Variants in DNAJB14 observed in about 807,000 individuals in gnomAD.
DNAJB14 encodes the protein DnaJ heat shock protein family (Hsp40) member B14.
DNAJB14 carries 22 observed loss-of-function variants against 48.4 expected under a neutral mutation model. The observed-to-expected ratio is 0.45, with a 90% CI of 0.32 to 0.65. DNAJB14 has a LOEUF of 0.65. Ranked by LOEUF, DNAJB14 falls within the 30% of genes least tolerant of loss-of-function variation. The probability of loss-of-function intolerance (pLI) is 0.03; values close to 1 mark genes in which losing one functional copy is unlikely to be tolerated. For synonymous variants in DNAJB14, 142 were observed against 158.7 expected (o/e 0.89, Z 0.79); for missense variants, 319 against 458.8 (o/e 0.70, Z 2.78).
chr4:99,924,776 G>A (rs745420132), intron 2 of DNAJB14: 23 of 1,610,318 alleles, frequency 1.4e-5, no homozygotes, highest in Non-Finnish European at 2.0e-5. Flanking sequence ...TTAGGTACAG[G>A]TCCACCATCC....
At chr4:99,941,177 A>G (rs543112013) in intron 1 of DNAJB14, among the ~76,000 whole-genome samples, 2 of 152,316 alleles carry the variant, frequency 1.3e-5, no homozygotes, top group South Asian at 2.1e-4. Context: ...AGTAAAAAAG[A>G]TAATTAAGAT....
intron 3 of DNAJB14, among the ~76,000 whole-genome samples, chr4:99,910,560 CT>C (rs984970788): frequency 2.0e-5 from 3 of 151,754 alleles, no homozygotes; most frequent in Non-Finnish European, 2.9e-5. Flanking sequence ...TTAAGGCTTC[CT>C]TTTTTAGAAA....
At chr4:99,913,647 T>G (rs968734732) in intron 3 of DNAJB14, among the ~76,000 whole-genome samples, 2 of 149,190 alleles carry the variant, frequency 1.3e-5, no homozygotes, top group Non-Finnish European at 3.0e-5. Context: ...TTTTCTGTAA[T>G]GTCTTTGGTT....
rs762639056 is a variant in DNAJB14 at position 99,946,533 on chromosome 4, C to T, written c.39G>A (p.Glu13=). 4 of 1,613,896 alleles carry T rather than the reference C, an allele frequency of 2.5e-6. No homozygotes were observed. Among genetic ancestry groups the T allele is most frequent in the African/African-American group, 1.3e-5 (1 of 75,058 alleles). The change falls in exon 1 of 8, where the codon GAG becomes GAA. Residue 13 remains glutamate (E), a synonymous_variant. Transcript: ENST00000442697. ...CGGCGTTCAGGGCCTCCCGGGCGATCTCGACACATTTCTCAGCCTCATCCC... is the reference window on the plus strand; with the variant it reads ...CGGCGTTCAGGGCCTCCCGGGCGATTTCGACACATTTCTCAGCCTCATCCC... The part of the protein sequence containing the change: ...GNRDEAEKCV[E]IAREALNAGN...
At chr4:99,945,969 G>C (rs1219947204) in intron 1 of DNAJB14, among the ~76,000 whole-genome samples, 1 of 152,200 alleles carries the variant, frequency 6.6e-6, no homozygotes. Flanking sequence ...TTTGCTTTGG[G>C]AACAGTTTTC....
intron 3 of DNAJB14, among the ~76,000 whole-genome samples, chr4:99,909,664 A>G (rs1308505466): frequency 6.6e-6 from 1 of 152,090 alleles, no homozygotes; most frequent in Non-Finnish European, 1.5e-5. Context: ...TCCCAAATCC[A>G]AAAGAGGTAA....
intron 2 of DNAJB14, chr4:99,924,592 T>C (rs1726180608): frequency 4.3e-6 from 3 of 693,598 alleles, no homozygotes; most frequent in African/African-American, 3.7e-5. Context: ...TAGTCAATAA[T>C]ATTTATTGAA....
rs560685155 is a variant in DNAJB14 at position 99,905,767 on chromosome 4, C to G, written c.733-61G>C. 70 of 1,523,444 alleles carry G rather than the reference C, an allele frequency of 4.6e-5. No individual in the cohort carries two copies. The East Asian group carries it at 1.6e-3, about 34-fold the overall frequency. The allele number at this position is 1,523,444 out of a possible 1,614,324, so 94.4% of individuals were successfully genotyped here. A position where few individuals can be genotyped will look rare whatever the true frequency, so the allele number is the denominator to read the frequency against. ...ATAACTGTAGTTGTTAATAATACAA[C>G]AGTTGTCATACATTTTGAGGCAGAA... is the stretch of plus-strand genomic sequence containing the variant. On this transcript the variant is annotated intron_variant, in intron 5 of 7. Coordinates refer to ENST00000442697, the MANE Select transcript of DNAJB14 (RefSeq NM_001031723.4).
At chr4:99,940,344 G>A (rs1397598771) in intron 1 of DNAJB14, among the ~76,000 whole-genome samples, 1 of 152,120 alleles carries the variant, frequency 6.6e-6, no homozygotes, top group African/African-American at 2.4e-5. Flanking sequence ...TGTAATCCCA[G>A]CACTTTGGGA....
At chr4:99,911,885 A>G (rs1725671827) in intron 3 of DNAJB14, among the ~76,000 whole-genome samples, 1 of 151,512 alleles carries the variant, frequency 6.6e-6, no homozygotes, top group African/African-American at 2.4e-5. Flanking sequence ...AGCTTAAAAA[A>G]TCTTAAAGTC....
chr4:99,916,929 T>C (rs1048180102), intron 3 of DNAJB14, among the ~76,000 whole-genome samples: 7 of 151,998 alleles, frequency 4.6e-5, no homozygotes, highest in African/African-American at 1.7e-4. Flanking sequence ...AATCGAGAGA[T>C]AGAGACCATC....
At position 99,900,908 on chromosome 4, in the gene DNAJB14, A is replaced by T. The variant is rs1217784461; in HGVS notation, c.*120T>A. On this transcript the variant is annotated 3_prime_UTR_variant, in exon 8 of 8. Transcript: ENST00000442697. ...GTCATAAACAGTCCAAGATTTCAGG[A>T]ACCAACTATTCAGTTTAGTTTTCAG... 2.7e-6 allele frequency: 3 copies of T among 1,113,078 alleles called. No homozygotes were observed. The African/African-American group carries it at 4.9e-5, about 18-fold the overall frequency. The allele number at this position is 1,113,078 out of a possible 1,614,324, so 69.0% of individuals were successfully genotyped here.
rs200925667 is a variant in DNAJB14, at chr4:99,901,183, G to A, written c.1016-31C>T. 117 of 1,557,632 alleles carry A rather than the reference G, an allele frequency of 7.5e-5. No individual in the cohort carries two copies. In the East Asian group the frequency reaches 2.7e-3, roughly 36 times the overall value. ...AATAAAGAAAAATATTTTGCTAATT[G>A]AATAAAATTTTTGTCACCTAGTTGC... On this transcript the variant is annotated intron_variant, in intron 7 of 7. Transcript: ENST00000442697.
chr4:99,921,336 G>A (rs1160197887), intron 3 of DNAJB14, among the ~76,000 whole-genome samples: 1 of 152,188 alleles, frequency 6.6e-6, no homozygotes, highest in Non-Finnish European at 1.5e-5. Context: ...ACTAAACTCT[G>A]AAATGTACCA....
At chr4:99,933,185 T>C (rs1726541361) in intron 1 of DNAJB14, among the ~76,000 whole-genome samples, 1 of 151,780 alleles carries the variant, frequency 6.6e-6, no homozygotes, top group Admixed American at 6.6e-5. Context: ...TATATATATA[T>C]ACACACACTC....
At chr4:99,916,202 A>T (rs763894864) in intron 3 of DNAJB14, among the ~76,000 whole-genome samples, 20 of 152,202 alleles carry the variant, frequency 1.3e-4, no homozygotes, top group Non-Finnish European at 2.9e-5. Context: ...GCAGTGGCAC[A>T]ATCACAGGTC....
intron 3 of DNAJB14, among the ~76,000 whole-genome samples, chr4:99,915,161 T>C (rs895274415): frequency 2.0e-5 from 3 of 152,216 alleles, no homozygotes; most frequent in African/African-American, 7.2e-5. Flanking sequence ...AGCATTCCTT[T>C]AGCTGGTCTT....
intron 3 of DNAJB14, among the ~76,000 whole-genome samples, chr4:99,909,824 C>A (rs1725597908): frequency 6.6e-6 from 1 of 151,912 alleles, no homozygotes; most frequent in Admixed American, 6.6e-5. Context: ...AAAAGACTAC[C>A]TGAAACTAAT....
chr4:99,898,153 T>C lies in DNAJB14; in HGVS notation c.*2875A>G, dbSNP rs1359239139. The C allele has an allele frequency of 6.6e-6, 1 of 151,942 alleles. No individual in the cohort carries two copies. The highest frequency in any genetic ancestry group is 1.5e-5 in the Non-Finnish European group (1 of 67,836). 9.4% of individuals were successfully genotyped at this position (151,942 alleles called of 1,614,324 possible). ...CTGGAAGAAAAATTCAGCATAAAAG[T>C]ATAATTAAAGTAAAAAGCTGGTATT... is the stretch of plus-strand genomic sequence containing the variant. On this transcript the variant is annotated 3_prime_UTR_variant, in exon 8 of 8. Coordinates refer to ENST00000442697, the MANE Select transcript of DNAJB14 (RefSeq NM_001031723.4).
Sources: allele counts gnomAD v4.1 joint callset (sites outside exome capture counted in the v4.1 genomes callset), GRCh38; gene constraint gnomAD v4.1.1; transcripts MANE v1.5; gene names NCBI Gene and HGNC (gene_info 2026-07-23, HGNC 2026-07-21).